The following TASP1 variants were observed in gnomAD, a reference collection of about 807,000 sequenced individuals.
TASP1 encodes the protein taspase 1.
A neutral mutation model predicts 56.6 loss-of-function variants in TASP1; 16 were observed. The ratio of observed to expected loss-of-function variants is 0.28; its 90% CI spans 0.19 to 0.43. TASP1 has a LOEUF of 0.43. Among genes scored for constraint, TASP1 ranks in the 20% least tolerant of loss-of-function variants. TASP1 has a pLI of 1.00. For missense variants in TASP1, 393 were observed against 511.6 expected, an observed-to-expected ratio of 0.77 and a Z score of 2.24; for synonymous variants, 179 against 184.2, an observed-to-expected ratio of 0.97 and a Z score of 0.23.
intron 4 of TASP1, among the ~76,000 whole-genome samples, chr20:13,612,983 T>C (rs2048399672): frequency 2.0e-5 from 3 of 152,192 alleles, no homozygotes; most frequent in Non-Finnish European, 2.9e-5. Flanking sequence ...TTGAAGGATG[T>C]AAATCTATCA....
the TASP1 span, among the ~76,000 whole-genome samples, chr20:13,132,456 C>T: frequency 3.0e-4 from 45 of 152,160 alleles, no homozygotes; most frequent in African/African-American, 1.0e-3. Context: ...GGATTACAGG[C>T]GTGAGGACCG....
chr20:13,187,616 C>A, the TASP1 span, among the ~76,000 whole-genome samples: 1 of 151,184 alleles, frequency 6.6e-6, no homozygotes, highest in African/African-American at 2.4e-5. Context: ...GGCGTGGTAG[C>A]GCACACCTGT....
the TASP1 span, among the ~76,000 whole-genome samples, chr20:13,148,257 T>C: frequency 6.6e-6 from 1 of 152,230 alleles, no homozygotes; most frequent in Admixed American, 6.5e-5. Context: ...CTGACCCAGC[T>C]GGTTTTGTTT....
chr20:13,384,423 C>A (rs1057229736), downstream of TASP1, among the ~76,000 whole-genome samples: 10 of 152,258 alleles, frequency 6.6e-5, no homozygotes, highest in African/African-American at 2.4e-4. Flanking sequence ...GCTGAGTGTG[C>A]CGCCTTGGAG....
At chr20:13,323,767 T>C in the TASP1 span, among the ~76,000 whole-genome samples, 1 of 151,854 alleles carries the variant, frequency 6.6e-6, no homozygotes, top group Non-Finnish European at 1.5e-5. Context: ...AAAAAAGCCT[T>C]CTTCTTCAAT....
the TASP1 span, among the ~76,000 whole-genome samples, chr20:13,361,182 A>T: frequency 6.6e-6 from 1 of 152,162 alleles, no homozygotes; most frequent in Non-Finnish European, 1.5e-5. Context: ...AGCTTTACTC[A>T]ACATGCCCTG....
chr20:13,138,432 C>A, the TASP1 span, among the ~76,000 whole-genome samples: 4 of 152,158 alleles, frequency 2.6e-5, no homozygotes, highest in Admixed American at 2.6e-4. Context: ...AATTATTCTT[C>A]CTTCCTTCAG....
the TASP1 span, among the ~76,000 whole-genome samples, chr20:13,347,174 G>C: frequency 6.6e-6 from 1 of 152,168 alleles, no homozygotes; most frequent in Admixed American, 6.5e-5. Context: ...TCACAGAAAA[G>C]AACTCTGTGA....
intron 8 of TASP1, among the ~76,000 whole-genome samples, chr20:13,550,139 T>TATACAC (rs2045930588): frequency 8.3e-6 from 1 of 119,984 alleles, no homozygotes; most frequent in Admixed American, 8.5e-5. Flanking sequence ...ATATGGAATA[T>TATACAC]ATACACATAC....
the TASP1 span, among the ~76,000 whole-genome samples, chr20:13,226,275 T>C: frequency 3.9e-5 from 6 of 152,210 alleles, no homozygotes; most frequent in South Asian, 2.1e-4. Flanking sequence ...GATTTAGGAG[T>C]TCATCCAAGC....
chr20:13,390,373 C>G lies in TASP1; in HGVS notation c.1250G>C (p.Ser417Thr), dbSNP rs776409638. The G allele has an allele frequency of 2.5e-6, 4 of 1,613,942 alleles. No homozygotes were observed. Among genetic ancestry groups the G allele is most frequent in the Non-Finnish European group, 3.4e-6 (4 of 1,179,966 alleles). ...AIEGGVCRLE[S>T]PVN Reference sequence around the variant, plus strand: ...CAGCCTGAAGGGTCAGTTCACTGGGCTCTCCAGGCGGCACACCCCACCTTC... The same window carrying G: ...CAGCCTGAAGGGTCAGTTCACTGGGGTCTCCAGGCGGCACACCCCACCTTC... The change falls in exon 14 of 14, where the codon AGC becomes ACC. Residue 417 changes from serine (S) to threonine (T), a missense_variant. By Grantham distance (58) the Ser-to-Thr change is moderately conservative. This residue lies in a region of TASP1 where 293 missense variants were observed against 354.2 expected (regional missense o/e 0.83). Transcript: ENST00000337743.
At chr20:13,429,799 T>A (rs1485614188) in intron 12 of TASP1, among the ~76,000 whole-genome samples, 1 of 152,234 alleles carries the variant, frequency 6.6e-6, no homozygotes, top group African/African-American at 2.4e-5. Context: ...CATATACTTA[T>A]GTCACTCTTG....
At chr20:13,284,810 C>T in the TASP1 span, among the ~76,000 whole-genome samples, 2 of 151,922 alleles carry the variant, frequency 1.3e-5, no homozygotes, top group African/African-American at 4.8e-5. Flanking sequence ...CTTTGGGGGA[C>T]CCATATGAAA....
intron 2 of TASP1, 34 bp downstream of exon 2, chr20:13,629,900 T>A (rs1471126878): frequency 6.2e-7 from 1 of 1,610,254 alleles, no homozygotes; most frequent in Admixed American, 1.7e-5. Flanking sequence ...AAATCAACAT[T>A]ATTGGCATCT....
chr20:13,214,542 C>CAG, the TASP1 span, among the ~76,000 whole-genome samples: 1 of 127,180 alleles, frequency 7.9e-6, no homozygotes, highest in Non-Finnish European at 1.6e-5. Context: ...CACACACACA[C>CAG]ACACACACAC....
At chr20:13,381,913 T>G in the TASP1 span, among the ~76,000 whole-genome samples, 2 of 152,202 alleles carry the variant, frequency 1.3e-5, no homozygotes, top group Non-Finnish European at 2.9e-5. Flanking sequence ...ACTTCTTTCC[T>G]GGGGTTGAGT....
intron 11 of TASP1, among the ~76,000 whole-genome samples, chr20:13,476,205 T>A (rs2042946329): frequency 6.6e-6 from 1 of 152,226 alleles, no homozygotes; most frequent in Admixed American, 6.5e-5. Context: ...CTCTCTCTCA[T>A]GGTAACTCTC....
At chr20:13,294,577 T>C in the TASP1 span, among the ~76,000 whole-genome samples, 1 of 152,084 alleles carries the variant, frequency 6.6e-6, no homozygotes, top group Non-Finnish European at 1.5e-5. Flanking sequence ...TGAGTAGACA[T>C]GGTGTCTCAG....
chr20:13,519,136 T>C (rs912147625), intron 10 of TASP1, among the ~76,000 whole-genome samples: 2 of 152,012 alleles, frequency 1.3e-5, no homozygotes, highest in Non-Finnish European at 2.9e-5. Flanking sequence ...TGGGTACACA[T>C]GGACATAAAG....
Sources: allele counts gnomAD v4.1 joint callset (sites outside exome capture counted in the v4.1 genomes callset), GRCh38; gene constraint gnomAD v4.1.1; regional missense constraint gnomAD v4.1.1; transcripts MANE v1.5; gene names NCBI Gene and HGNC (gene_info 2026-07-23, HGNC 2026-07-21).